DNAH6: variants seen among roughly 807,000 people sequenced by gnomAD.
DNAH6 encodes axonemal beta dynein heavy chain 6.
DNAH6 carries 340 observed loss-of-function variants against 491.4 expected under a neutral mutation model. That is an observed-to-expected ratio of 0.69 (90% CI 0.63 to 0.76). The LOEUF is 0.76. DNAH6 is among the 30% of genes least tolerant of loss of function. The pLI is 0.00. For missense variants in DNAH6, 4,443 were observed against 4,972.2 expected, an observed-to-expected ratio of 0.89 and a Z score of 3.20; for synonymous variants, 1,603 against 1,686.1, an observed-to-expected ratio of 0.95 and a Z score of 1.21.
intron 43 of DNAH6, among the ~76,000 whole-genome samples, chr2:84,686,167 G>A (rs1300142778): frequency 2.4e-4 from 35 of 147,660 alleles, no homozygotes; most frequent in Non-Finnish European, 4.6e-4. Context: ...CAGCCCAGGT[G>A]ACAGTGCAAG....
chr2:84,570,556 T>G (rs528503211), intron 11 of DNAH6, among the ~76,000 whole-genome samples: 136 of 152,236 alleles, frequency 8.9e-4, no homozygotes, highest in African/African-American at 3.1e-3. Flanking sequence ...CAATCAGTGC[T>G]CTGTGTCTAG....
At chr2:84,778,095 C>T in intron 64 of DNAH6, 2 of 823,276 alleles carry the variant, frequency 2.4e-6, no homozygotes, top group Non-Finnish European at 4.3e-6. Flanking sequence ...TCCAGTTAAA[C>T]TGCCCGTCAG....
At chr2:84,642,139 A>C (rs1689476153) in intron 33 of DNAH6, 85 bp downstream of exon 33, 1 of 940,048 alleles carries the variant, frequency 1.1e-6, no homozygotes, top group African/African-American at 1.7e-5. Flanking sequence ...TCTTTCTCTA[A>C]CAAGCTGAAA....
rs1046799205 is a variant in DNAH6 at position 84,579,657 on chromosome 2, T to A, written c.2207T>A (p.Phe736Tyr). 1 of 1,588,330 alleles carries A rather than the reference T, an allele frequency of 6.3e-7. No homozygotes were observed. The highest frequency in any genetic ancestry group is 8.5e-7 in the Non-Finnish European group (1 of 1,170,398). Residue 736 changes from phenylalanine to tyrosine, a missense_variant, in exon 14 of 77, where the codon TTT (phenylalanine) becomes TAT (tyrosine). By Grantham distance (22) the Phe-to-Tyr change is conservative (BLOSUM62 3). Transcript: ENST00000389394. ...ACAGAATATGTTCATAGCTTATTAT[T>A]TCTTGATGAAATTCAGGAACGGGTG... ...TTTEYVHSLLFLDEIQERIES... is the reference protein window; with the variant it reads ...TTTEYVHSLLYLDEIQERIES...
intron 4 of DNAH6, 127 bp from the exon 5 acceptor site, chr2:84,544,105 AT>A (rs1678532189): frequency 4.1e-6 from 2 of 492,876 alleles, no homozygotes; most frequent in Non-Finnish European, 6.9e-6. Flanking sequence ...GTTGGTTAGA[AT>A]TTTTTAACTT....
At chr2:84,522,444 T>G (rs1676242083) in intron 2 of DNAH6, among the ~76,000 whole-genome samples, 1 of 152,134 alleles carries the variant, frequency 6.6e-6, no homozygotes, top group Non-Finnish European at 1.5e-5. Flanking sequence ...CTTCCTCTCT[T>G]CCTATTTTGA....
intron 59 of DNAH6, among the ~76,000 whole-genome samples, chr2:84,720,729 A>C (rs1698063498): frequency 6.6e-6 from 1 of 152,134 alleles, no homozygotes; most frequent in African/African-American, 2.4e-5. Context: ...TCGAGCTCCC[A>C]AAATTCGTTG....
At chr2:84,572,803 A>G (rs182304883) in intron 11 of DNAH6, among the ~76,000 whole-genome samples, 22 of 152,380 alleles carry the variant, frequency 1.4e-4, no homozygotes, top group African/African-American at 4.6e-4. Context: ...GACATGGACC[A>G]AGACCAACAG....
intron 31 of DNAH6, among the ~76,000 whole-genome samples, chr2:84,638,639 C>T (rs1689096178): frequency 6.6e-6 from 1 of 152,194 alleles, no homozygotes; most frequent in South Asian, 2.1e-4. Flanking sequence ...ATAGAGTAGA[C>T]TGTGCCAAAT....
intron 39 of DNAH6, among the ~76,000 whole-genome samples, chr2:84,671,381 C>T (rs1225651926): frequency 6.6e-6 from 1 of 152,170 alleles, no homozygotes; most frequent in East Asian, 1.9e-4. Flanking sequence ...CATCTGCACC[C>T]TCTTGCAGCT....
chr2:84,739,611 T>A (rs959763566), intron 62 of DNAH6, among the ~76,000 whole-genome samples: 8 of 152,222 alleles, frequency 5.3e-5, no homozygotes, highest in African/African-American at 1.9e-4. Context: ...GTTCTGAAAG[T>A]CTTTCTTTTG....
intron 29 of DNAH6, among the ~76,000 whole-genome samples, chr2:84,629,190 A>G (rs966544059): frequency 1.6e-4 from 24 of 152,036 alleles, no homozygotes; most frequent in Non-Finnish European, 1.8e-4. Context: ...TGTTTCTAAT[A>G]TAGTATTTGC....
At chr2:84,497,941 A>G in the DNAH6 span, among the ~76,000 whole-genome samples, 3 of 152,306 alleles carry the variant, frequency 2.0e-5, no homozygotes, top group Non-Finnish European at 4.4e-5. Context: ...ACCCTTTGGC[A>G]TATTGCCCAC....
At chr2:84,560,454 C>CTT (rs201362465) in intron 11 of DNAH6, among the ~76,000 whole-genome samples, 22 of 131,064 alleles carry the variant, frequency 1.7e-4, no homozygotes, top group African/African-American at 5.9e-4. Flanking sequence ...TTTTTTTTTT[C>CTT]TTTTTTTTTT....
intron 64 of DNAH6, among the ~76,000 whole-genome samples, chr2:84,771,431 T>C (rs886473363): frequency 6.6e-6 from 1 of 152,118 alleles, no homozygotes; most frequent in Non-Finnish European, 1.5e-5. Flanking sequence ...TGGTCCATAC[T>C]TCCCAAATTG....
intron 40 of DNAH6, among the ~76,000 whole-genome samples, chr2:84,676,253 G>T (rs148609767): frequency 1.7e-4 from 26 of 152,184 alleles, no homozygotes; most frequent in African/African-American, 6.3e-4. Flanking sequence ...TTCTTTTTCA[G>T]CTCCCATGCT....
the DNAH6 span, among the ~76,000 whole-genome samples, chr2:84,483,826 G>A: frequency 6.6e-6 from 1 of 152,090 alleles, no homozygotes; most frequent in Non-Finnish European, 1.5e-5. Flanking sequence ...ATTGTTGGGC[G>A]GGAAGTCCAG....
chr2:84,611,967 A>G (rs1686385430), intron 22 of DNAH6, 113 bp downstream of exon 22: 1 of 921,886 alleles, frequency 1.1e-6, no homozygotes, highest in Non-Finnish European at 1.6e-6. Context: ...GGTCCATTCA[A>G]CCCTTGATTC....
rs1318094362 is a variant in DNAH6, at chr2:84,809,483, T to C, written c.11739+941T>C. Reference sequence around the variant, plus strand: ...TGGGACTATGGCATCTAGTCAGGTATGCACCAAAGTCAGCAGGCTAAGTCT... The same window carrying C: ...TGGGACTATGGCATCTAGTCAGGTACGCACCAAAGTCAGCAGGCTAAGTCT... On this transcript the variant is annotated intron_variant, in intron 72 of 76. Transcript: ENST00000389394. Among the ~76,000 whole-genome samples the C allele has an allele frequency of 2.0e-5, 3 of 152,170 alleles. No individual in the cohort carries two copies. In the East Asian group the frequency reaches 5.8e-4, roughly 29 times the overall value.
Sources: allele counts gnomAD v4.1 joint callset (sites outside exome capture counted in the v4.1 genomes callset), GRCh38; gene constraint gnomAD v4.1.1; transcripts MANE v1.5; gene names NCBI Gene and HGNC (gene_info 2026-07-23, HGNC 2026-07-21).